Variants in CCNY observed in about 807,000 individuals in gnomAD.
CCNY encodes cyclin Y.
A neutral mutation model predicts 42.8 loss-of-function variants in CCNY; 19 were observed. The observed-to-expected ratio is 0.44, with a 90% CI of 0.31 to 0.65. The LOEUF is 0.65. Among genes scored for constraint, CCNY ranks in the 30% least tolerant of loss-of-function variants. The pLI, the probability that CCNY is intolerant of heterozygous loss-of-function variation, is 0.07. For missense variants in CCNY, 370 were observed against 437.3 expected, an observed-to-expected ratio of 0.85 and a Z score of 1.37; for synonymous variants, 165 against 162.7, an observed-to-expected ratio of 1.01 and a Z score of -0.11.
At chr10:35,314,543 A>C (rs1835730086) in intron 3 of CCNY, 1 of 152,192 alleles carries the variant, frequency 6.6e-6, no homozygotes. Context: ...AACATATCAC[A>C]CCATTTATAA....
chr10:35,331,612 TG>T (rs1835945545), upstream of CCNY, among the ~76,000 whole-genome samples: 1 of 152,204 alleles, frequency 6.6e-6, no homozygotes. Flanking sequence ...TCGGCTAAGC[TG>T]GAACATGACC....
At chr10:35,560,654 A>G (rs1304478800) in intron 8 of CCNY, among the ~76,000 whole-genome samples, 1 of 152,234 alleles carries the variant, frequency 6.6e-6, no homozygotes, top group East Asian at 1.9e-4. Context: ...TGTAAACTTT[A>G]TTAAAAGAAG....
intron 3 of CCNY, among the ~76,000 whole-genome samples, chr10:35,269,909 C>T (rs749300916): frequency 6.6e-6 from 1 of 151,998 alleles, no homozygotes; most frequent in Non-Finnish European, 1.5e-5. Context: ...GTTACGTGCC[C>T]GGCCAAGTTC....
intron 1 of CCNY, among the ~76,000 whole-genome samples, chr10:35,448,714 G>A (rs1732718791): frequency 6.6e-6 from 1 of 152,002 alleles, no homozygotes; most frequent in South Asian, 2.1e-4. Context: ...GGAGTGTGGG[G>A]GATGGAGGGG....
chr10:35,325,479 C>G (rs1278734687), intron 3 of CCNY, among the ~76,000 whole-genome samples: 1 of 132,886 alleles, frequency 7.5e-6, no homozygotes, highest in Non-Finnish European at 1.6e-5. Flanking sequence ...AGCACAGACC[C>G]TTTTTTTTTT....
At chr10:35,262,716 G>T (rs1380465600) in intron 3 of CCNY, among the ~76,000 whole-genome samples, 1 of 152,078 alleles carries the variant, frequency 6.6e-6, no homozygotes, top group East Asian at 1.9e-4. Context: ...GGACTGGGGA[G>T]TCTAAAAGTT....
chr10:35,494,533 C>T (rs1338115954), intron 2 of CCNY, among the ~76,000 whole-genome samples: 1 of 152,022 alleles, frequency 6.6e-6, no homozygotes, highest in Non-Finnish European at 1.5e-5. Context: ...TATTTAGTGT[C>T]AGAATGGGGA....
chr10:35,300,004 C>T (rs772470765), intron 3 of CCNY, among the ~76,000 whole-genome samples: 7 of 152,176 alleles, frequency 4.6e-5, no homozygotes, highest in Non-Finnish European at 7.4e-5. Context: ...CCTACAATCA[C>T]GTAAGTTTTC....
chr10:35,385,005 C>G (rs2135199769), intron 1 of CCNY, among the ~76,000 whole-genome samples: 1 of 152,244 alleles, frequency 6.6e-6, no homozygotes, highest in East Asian at 1.9e-4. Flanking sequence ...TCTCTAGGAA[C>G]TCAGATTAAT....
Position 35,514,094 on chromosome 10 carries a change from A to C in CCNY, c.265-2429A>C, listed in dbSNP as rs963504184. Reference sequence around the variant, plus strand: ...CCAGTTCAAAAAAAAAAAAAAAAAAAAAACAGAGACAACCCTGGGGTCAAG... The same window carrying C: ...CCAGTTCAAAAAAAAAAAAAAAAAACAAACAGAGACAACCCTGGGGTCAAG... On this transcript the variant is annotated intron_variant, in intron 3 of 9. Transcript: ENST00000374704. Among the ~76,000 whole-genome samples, 15 of 151,646 alleles carry C rather than the reference A, an allele frequency of 9.9e-5. 1 individual carries two copies. In the South Asian group the frequency reaches 1.5e-3, roughly 15 times the overall value.
intron 3 of CCNY, among the ~76,000 whole-genome samples, chr10:35,276,119 C>T (rs1343754456): frequency 2.0e-5 from 3 of 152,168 alleles, no homozygotes; most frequent in African/African-American, 7.2e-5. Context: ...AAAATAGGCT[C>T]GGGTCCAGAA....
intron 2 of CCNY, among the ~76,000 whole-genome samples, chr10:35,492,525 C>T (rs770419401): frequency 4.6e-5 from 7 of 152,164 alleles, no homozygotes; most frequent in Non-Finnish European, 7.3e-5. Context: ...GCATTACGTT[C>T]AGTGCAGTTT....
At chr10:35,423,273 G>A (rs1160306945) in intron 1 of CCNY, among the ~76,000 whole-genome samples, 5 of 151,990 alleles carry the variant, frequency 3.3e-5, no homozygotes, top group African/African-American at 4.8e-5. Flanking sequence ...CTAGGTGTTC[G>A]AGACCAGGCT....
intron 2 of CCNY, among the ~76,000 whole-genome samples, chr10:35,490,539 A>G (rs1839875099): frequency 6.6e-6 from 1 of 152,176 alleles, no homozygotes; most frequent in Admixed American, 6.5e-5. Context: ...GTCCTCCTGC[A>G]CTGCTGCCCT....
At chr10:35,558,095 C>T (rs900872276) in intron 8 of CCNY, among the ~76,000 whole-genome samples, 6 of 152,216 alleles carry the variant, frequency 3.9e-5, no homozygotes, top group African/African-American at 1.4e-4. Context: ...CCAACCCCTG[C>T]TTCAGTTTGT....
chr10:35,499,285 T>A (rs1302174823), intron 2 of CCNY, among the ~76,000 whole-genome samples: 1 of 152,140 alleles, frequency 6.6e-6, no homozygotes, highest in Non-Finnish European at 1.5e-5. Flanking sequence ...CTCAGGCACG[T>A]CTCACATCGC....
intron 1 of CCNY, among the ~76,000 whole-genome samples, chr10:35,449,160 A>G (rs958176084): frequency 2.6e-5 from 4 of 151,846 alleles, no homozygotes; most frequent in African/African-American, 4.8e-5. Context: ...CATGGGAACC[A>G]TTGGCATACT....
chr10:35,468,508 ATTTAT>A (rs1287189101), intron 1 of CCNY, among the ~76,000 whole-genome samples: 1 of 151,970 alleles, frequency 6.6e-6, no homozygotes, highest in Non-Finnish European at 1.5e-5. Context: ...TTATTTTAAA[ATTTAT>A]TTTGTTTTTC....
intron 1 of CCNY, among the ~76,000 whole-genome samples, chr10:35,458,035 G>A (rs1056498064): frequency 2.6e-5 from 4 of 152,206 alleles, no homozygotes; most frequent in Non-Finnish European, 5.9e-5. Context: ...TGTGGAACAG[G>A]ACATGTTATG....
Sources: gnomAD v4.1 joint callset for allele counts (sites outside exome capture counted in the v4.1 genomes callset) on GRCh38, gnomAD v4.1.1 for gene constraint, MANE v1.5 for transcripts, NCBI Gene and HGNC (gene_info 2026-07-23, HGNC 2026-07-21) for gene names.